CDH26: variants seen among roughly 807,000 people sequenced by gnomAD.
CDH26 encodes the protein cadherin-like protein 26.
Under a neutral mutation model 90.3 loss-of-function variants are expected in CDH26, and 83 were observed. That is an observed-to-expected ratio of 0.92 (90% CI 0.77 to 1.10). CDH26 has a LOEUF of 1.10. Ranked by LOEUF, CDH26 falls within the 50% of genes least tolerant of loss-of-function variation. The pLI, the probability that CDH26 is intolerant of heterozygous loss-of-function variation, is 0.00. For missense variants in CDH26, 1,013 were observed against 1,037.6 expected, an observed-to-expected ratio of 0.98 and a Z score of 0.33; for synonymous variants, 397 against 396.3, an observed-to-expected ratio of 1.00 and a Z score of -0.02.
intron 10 of CDH26, among the ~76,000 whole-genome samples, chr20:59,993,136 G>C (rs143986125): frequency 6.2e-4 from 95 of 152,292 alleles, no homozygotes; most frequent in Non-Finnish European, 1.2e-3. Context: ...GTTGGCGGGG[G>C]GCAATGGAGA....
chr20:59,993,791 A>C (rs1261243752), intron 10 of CDH26, among the ~76,000 whole-genome samples: 1 of 152,190 alleles, frequency 6.6e-6, no homozygotes, highest in East Asian at 1.9e-4. Context: ...AATCTAGTGG[A>C]TCCTGAGTAT....
chr20:59,984,979 C>A lies in CDH26; in HGVS notation c.709-22C>A, dbSNP rs762432945. 3.1e-6 allele frequency: 5 copies of A among 1,608,482 alleles called. No homozygotes were observed. The South Asian group carries it at 4.4e-5, about 14-fold the overall frequency. On this transcript the variant is annotated intron_variant, in intron 6 of 17. Transcript: ENST00000348616. ...CCTTTCCTGTATTTGAGGGGCTTAA[C>A]TTTCCTTTTCCTCCCACATAGACCG...
At chr20:59,985,395 T>C (rs1255149259) in intron 7 of CDH26, among the ~76,000 whole-genome samples, 1 of 152,044 alleles carries the variant, frequency 6.6e-6, no homozygotes, top group Non-Finnish European at 1.5e-5. Flanking sequence ...GGAGCAGGCA[T>C]GTCACTCGGT....
chr20:59,964,298 T>A (rs1037940778), intron 1 of CDH26, among the ~76,000 whole-genome samples: 1 of 152,174 alleles, frequency 6.6e-6, no homozygotes, highest in African/African-American at 2.4e-5. Context: ...ATGATATTGG[T>A]TACATGCCCC....
downstream of CDH26, among the ~76,000 whole-genome samples, chr20:60,035,333 A>G (rs1446952632): frequency 2.0e-5 from 3 of 152,236 alleles, no homozygotes; most frequent in Admixed American, 2.0e-4. Flanking sequence ...AGGAATGGGA[A>G]CATACGTTTA....
chr20:59,979,090 C>T lies in CDH26; in HGVS notation c.394-3833C>T, dbSNP rs75993465. On this transcript the variant is annotated intron_variant, in intron 4 of 17. Coordinates refer to ENST00000348616, the MANE Select transcript of CDH26 (RefSeq NM_177980.4). ...TACCTTGTTTAGAACATCATAGAGA[C>T]GGAGTCACACAATACATGGCTTTTT... Among the ~76,000 whole-genome samples, 170 of 152,156 alleles carry T rather than the reference C, an allele frequency of 1.1e-3. 1 individual carries two copies. In the East Asian group the frequency reaches 0.031, roughly 28 times the overall value.
rs759025673 is a variant in CDH26 at position 59,970,088 on chromosome 20, A to G, written c.133A>G (p.Ile45Val). ...DDLTKQTKEK[I>V]YQPLRRSKRR... The stretch of plus-strand genomic sequence containing the variant: ...GTGTCACTATAAGTTCCAGGAAAAG[A>G]TCTACCAGCCTCTACGGCGATCCAA... Residue 45 changes from isoleucine to valine, a missense_variant, in exon 3 of 18, where the codon ATC becomes GTC. By Grantham distance (29) the Ile-to-Val change is conservative. Coordinates refer to ENST00000348616, the MANE Select transcript of CDH26 (RefSeq NM_177980.4). 3 of 1,612,718 alleles carry G rather than the reference A, an allele frequency of 1.9e-6. No homozygotes were observed.
chr20:59,972,161 A>G, intron 4 of CDH26, 38 bp downstream of exon 4: 1 of 1,580,634 alleles, frequency 6.3e-7, no homozygotes, highest in Non-Finnish European at 8.7e-7. Context: ...TCGGATTTAA[A>G]AGCTCTTGCA....
intron 17 of CDH26, among the ~76,000 whole-genome samples, chr20:60,010,723 A>C (rs1027364079): frequency 2.6e-5 from 4 of 152,084 alleles, no homozygotes; most frequent in Non-Finnish European, 5.9e-5. Context: ...GAGGTTGGGG[A>C]GAGGAGGAGA....
At chr20:59,978,366 T>C (rs1450749415) in intron 4 of CDH26, among the ~76,000 whole-genome samples, 1 of 152,004 alleles carries the variant, frequency 6.6e-6, no homozygotes, top group African/African-American at 2.4e-5. Context: ...GAGTTCCTAT[T>C]ATTTATACTT....
At chr20:59,964,516 A>G (rs1432227035) in intron 1 of CDH26, among the ~76,000 whole-genome samples, 1 of 151,910 alleles carries the variant, frequency 6.6e-6, no homozygotes, top group Non-Finnish European at 1.5e-5. Flanking sequence ...CTTTGGACAG[A>G]CTGCCTAAAT....
chr20:59,995,897 C>T lies in CDH26; in HGVS notation c.1731C>T (p.Phe577=), dbSNP rs750775624. 35 of 1,614,134 alleles carry T rather than the reference C, an allele frequency of 2.2e-5. 1 individual carries two copies. In the South Asian group the frequency reaches 3.7e-4, roughly 17 times the overall value. ...GTGGTAATTACTTGGTGCCACTCTT[C>T]ATTGGAGACAAACAGGGACTTTCCC... ...LPRGNYLVPL[F]IGDKQGLSQK... The change falls in exon 12 of 18, where the codon TTC becomes TTT. Residue 577 remains phenylalanine (F), a synonymous_variant. Coordinates refer to ENST00000348616, the MANE Select transcript of CDH26 (RefSeq NM_177980.4).
intron 16 of CDH26, among the ~76,000 whole-genome samples, 190 bp downstream of exon 16, chr20:60,003,056 C>T (rs952207626): frequency 2.6e-5 from 4 of 152,120 alleles, no homozygotes; most frequent in African/African-American, 4.8e-5. Context: ...ACATTTATCC[C>T]GTGACTCGAG....
In CDH26 at chr20:59,985,037, G is replaced by A. The variant is rs1470990657; in HGVS notation, c.745G>A (p.Asp249Asn). The change falls in exon 7 of 18, where the codon GAC (aspartate) becomes AAC (asparagine). Residue 249 changes from aspartate to asparagine, a missense_variant. Coordinates refer to ENST00000348616, the MANE Select transcript of CDH26 (RefSeq NM_177980.4). Reference sequence around the variant, plus strand: ...GTTTACACTGCTAATCAGAGCCAGGGACTGTGGAGAACCGTCACTGTCATC... The same window carrying A: ...GTTTACACTGCTAATCAGAGCCAGGAACTGTGGAGAACCGTCACTGTCATC... ...PQFTLLIRAR[D>N]CGEPSLSSTT... is the part of the protein sequence containing the mutation. 2 of 1,613,906 alleles carry A rather than the reference G, an allele frequency of 1.2e-6. No homozygotes were observed. The highest frequency in any genetic ancestry group is 1.3e-5 in the African/African-American group (1 of 74,876).
intron 4 of CDH26, among the ~76,000 whole-genome samples, chr20:59,975,867 T>C (rs1388380468): frequency 1.3e-5 from 2 of 151,972 alleles, no homozygotes; most frequent in Non-Finnish European, 2.9e-5. Flanking sequence ...CAGGGGGTGG[T>C]GTGGGGGAGG....
chr20:59,966,099 G>T (rs1465182010), intron 1 of CDH26, among the ~76,000 whole-genome samples: 2 of 152,010 alleles, frequency 1.3e-5, no homozygotes, highest in Non-Finnish European at 2.9e-5. Context: ...AGTGGGAACA[G>T]ATACTGTGCA....
intron 7 of CDH26, among the ~76,000 whole-genome samples, chr20:59,985,427 A>T (rs1169295608): frequency 6.6e-6 from 1 of 152,038 alleles, no homozygotes; most frequent in Non-Finnish European, 1.5e-5. Flanking sequence ...CATGCAAGAC[A>T]CGGGAGGTGG....
Position 59,968,010 on chromosome 20 carries a change from T to C in CDH26, c.70-957T>C, listed in dbSNP as rs865854664. On this transcript the variant is annotated intron_variant, in intron 1 of 17. Transcript: ENST00000348616. ...TTCTTTCTTTCTTTCTTTCTTTCTT[T>C]CTTCCTTTCTCTCTGTCTCTCTCTC... Among the ~76,000 whole-genome samples, 557 of 118,642 alleles carry C rather than the reference T, an allele frequency of 4.7e-3. 51 individuals carry two copies. Among genetic ancestry groups the C allele is most frequent in the African/African-American group, 0.019 (525 of 27,600 alleles). 77.8% of individuals were successfully genotyped at this position (118,642 alleles called of 152,430 possible). A position where few individuals can be genotyped will look rare whatever the true frequency, so the allele number is the denominator to read the frequency against.
intron 1 of CDH26, among the ~76,000 whole-genome samples, chr20:59,962,480 C>G (rs1352114458): frequency 6.6e-6 from 1 of 152,202 alleles, no homozygotes; most frequent in African/African-American, 2.4e-5. Context: ...CTGCCCCTGT[C>G]ATGACATGGC....
Sources: gnomAD v4.1 joint callset for allele counts (sites outside exome capture counted in the v4.1 genomes callset) on GRCh38, gnomAD v4.1.1 for gene constraint, MANE v1.5 for transcripts, NCBI Gene and HGNC (gene_info 2026-07-23, HGNC 2026-07-21) for gene names.